Variants in PRKG1 observed in about 807,000 individuals in gnomAD.
PRKG1 encodes the protein protein kinase cGMP-dependent 1.
A neutral mutation model predicts 88.1 loss-of-function variants in PRKG1; 35 were observed. The ratio of observed to expected loss-of-function variants is 0.40; its 90% confidence interval spans 0.30 to 0.53. PRKG1 has a LOEUF of 0.53. Among genes scored for constraint, PRKG1 ranks in the 20% least tolerant of loss-of-function variants. The pLI is 0.59. For missense variants in PRKG1, 540 were observed against 839.8 expected, an observed-to-expected ratio of 0.64 and a Z score of 4.41; for synonymous variants, 303 against 292.5, an observed-to-expected ratio of 1.04 and a Z score of -0.37.
rs1842775896 is a variant in PRKG1 at position 50,991,130 on chromosome 10, C to A, written c.-249C>A. 1 of 474,250 alleles carries A rather than the reference C, an allele frequency of 2.1e-6. No homozygotes were observed. Among genetic ancestry groups the A allele is most frequent in the African/African-American group, 2.1e-5 (1 of 47,504 alleles). 29.4% of individuals were successfully genotyped at this position (474,250 alleles called of 1,614,324 possible). ...AGAGAGGCTGGAGATTAGCACTCTG[C>A]CTCTCCTCTCCATCGCTTTTAGACT... is the stretch of plus-strand genomic sequence containing the variant. On this transcript the variant is annotated 5_prime_UTR_variant, in exon 1 of 18. Transcript: ENST00000401604. This position sits in a 1 kb window ranked among gnomAD's most constrained non-coding sequence, Gnocchi z 4.5.
chr10:51,473,895 A>G (rs1038435107), intron 3 of PRKG1, among the ~76,000 whole-genome samples: 2 of 151,906 alleles, frequency 1.3e-5, no homozygotes, highest in African/African-American at 4.8e-5. Flanking sequence ...TCATTCATTT[A>G]ACAATTTGCT....
intron 2 of PRKG1, among the ~76,000 whole-genome samples, chr10:51,175,823 T>C (rs1245030965): frequency 6.6e-6 from 1 of 152,110 alleles, no homozygotes; most frequent in Non-Finnish European, 1.5e-5. Flanking sequence ...CAGCAATCTG[T>C]GCTTTATCAA....
chr10:51,766,805 G>A (rs571525227), intron 3 of PRKG1, among the ~76,000 whole-genome samples: 3 of 152,088 alleles, frequency 2.0e-5, no homozygotes, highest in Non-Finnish European at 2.9e-5. Flanking sequence ...GGTGGGGTGC[G>A]GGGAGGAGTT....
chr10:51,199,402 G>T (rs961955327), intron 2 of PRKG1, among the ~76,000 whole-genome samples: 3 of 152,140 alleles, frequency 2.0e-5, no homozygotes, highest in Non-Finnish European at 2.9e-5. Context: ...CTATGTTCTA[G>T]ATATTGTCCT....
At chr10:51,829,490 A>C (rs904632252) in intron 4 of PRKG1, among the ~76,000 whole-genome samples, 14 of 152,192 alleles carry the variant, frequency 9.2e-5, no homozygotes, top group Admixed American at 9.2e-4. Context: ...ATATATTTTA[A>C]CAGCAATAAG....
chr10:51,400,319 T>C (rs777527342), intron 2 of PRKG1, among the ~76,000 whole-genome samples: 58 of 152,134 alleles, frequency 3.8e-4, no homozygotes, highest in Non-Finnish European at 1.2e-4. Context: ...AGTGATGTGA[T>C]AGAAAGGGAC....
rs187554651 is a variant in PRKG1, at chr10:51,699,880, A to G, written c.593-104705A>G. Among the ~76,000 whole-genome samples, 51 of 152,322 alleles carry G rather than the reference A, an allele frequency of 3.3e-4. No homozygotes were observed. The East Asian group carries it at 8.1e-3, about 24-fold the overall frequency. ...AGATGACCACAGTAAAGATGGCCGC[A>G]TAGACTTCACCGTAGTAACTGGGAG... On this transcript the variant is annotated intron_variant, in intron 3 of 17. Transcript: ENST00000373980.
intron 1 of PRKG1, among the ~76,000 whole-genome samples, chr10:51,026,112 C>T (rs1257067627): frequency 1.3e-5 from 2 of 152,060 alleles, no homozygotes; most frequent in East Asian, 3.9e-4. Context: ...GACAGCAAAC[C>T]ACCAGAAGCT....
chr10:51,182,818 A>G (rs1055580398), intron 2 of PRKG1, among the ~76,000 whole-genome samples: 3 of 152,188 alleles, frequency 2.0e-5, no homozygotes, highest in Non-Finnish European at 4.4e-5. Flanking sequence ...TTGGATTCCA[A>G]CAGCCTTCAA....
chr10:51,508,676 G>A (rs1841303101), intron 3 of PRKG1, among the ~76,000 whole-genome samples: 3 of 152,014 alleles, frequency 2.0e-5, no homozygotes, highest in Admixed American at 1.3e-4. Flanking sequence ...AACTGTCTCA[G>A]TACTTCCATA....
intron 2 of PRKG1, among the ~76,000 whole-genome samples, chr10:51,201,377 G>A (rs1207272543): frequency 6.6e-6 from 1 of 152,136 alleles, no homozygotes; most frequent in Non-Finnish European, 1.5e-5. Context: ...ACTTGAACCT[G>A]GGTGGCGGAG....
intron 3 of PRKG1, among the ~76,000 whole-genome samples, chr10:51,639,744 G>A (rs1039248876): frequency 6.6e-6 from 1 of 151,652 alleles, no homozygotes; most frequent in Admixed American, 6.6e-5. Flanking sequence ...TTTACATAAT[G>A]TTAGGTTGGT....
At chr10:51,579,801 T>C (rs1418310894) in intron 3 of PRKG1, among the ~76,000 whole-genome samples, 1 of 152,098 alleles carries the variant, frequency 6.6e-6, no homozygotes. Flanking sequence ...ACTTACAGAT[T>C]TTAGCAATCC....
At chr10:51,523,054 G>A (rs74494214) in intron 3 of PRKG1, among the ~76,000 whole-genome samples, 1,535 of 152,172 alleles carry the variant, frequency 0.01, 40 homozygotes, top group African/African-American at 0.036. Context: ...CTCTGTCCAC[G>A]GTGTTAGGAT....
chr10:51,887,595 A>G (rs986216975), intron 4 of PRKG1, among the ~76,000 whole-genome samples: 1 of 152,208 alleles, frequency 6.6e-6, no homozygotes, highest in Non-Finnish European at 1.5e-5. Flanking sequence ...GTTTCTGTTT[A>G]CTTGTTTCTT....
chr10:51,004,707 G>T (rs2132718284), intron 1 of PRKG1, among the ~76,000 whole-genome samples: 1 of 151,898 alleles, frequency 6.6e-6, no homozygotes, highest in South Asian at 2.1e-4. Context: ...TGTGCACTTG[G>T]TTTGATGTTT....
chr10:52,271,265 C>A, intron 10 of PRKG1, 85 bp from the exon 11 acceptor site: 2 of 1,379,330 alleles, frequency 1.4e-6, no homozygotes, highest in Non-Finnish European at 2.0e-6. Flanking sequence ...CATTTAAGTG[C>A]GCCATGTACC....
At chr10:51,682,317 T>A (rs772875242) in intron 3 of PRKG1, among the ~76,000 whole-genome samples, 2 of 152,210 alleles carry the variant, frequency 1.3e-5, no homozygotes, top group Non-Finnish European at 2.9e-5. Context: ...AGTGGCATTT[T>A]TCTTCCTCTG....
chr10:52,183,735 C>T (rs1370094472), intron 9 of PRKG1, among the ~76,000 whole-genome samples: 6 of 152,164 alleles, frequency 3.9e-5, no homozygotes. Context: ...GATGCAACAG[C>T]TTGGCTTACA....
Sources: allele counts gnomAD v4.1 joint callset (sites outside exome capture counted in the v4.1 genomes callset), GRCh38; gene constraint gnomAD v4.1.1; non-coding constraint Gnocchi (gnomAD v3.1); transcripts MANE v1.5; gene names NCBI Gene and HGNC (gene_info 2026-07-23, HGNC 2026-07-21).